Variants in DACH1 observed in about 807,000 individuals in gnomAD.
DACH1 encodes the protein dachshund family transcription factor 1.
A neutral mutation model predicts 54.2 loss-of-function variants in DACH1; 12 were observed. The observed-to-expected ratio is 0.22, with a 90% CI of 0.14 to 0.36. The LOEUF is 0.36. Ranked by LOEUF, DACH1 falls within the 10% of genes least tolerant of loss-of-function variation. DACH1 has a pLI of 1.00. For missense variants in DACH1, 805 were observed against 929.8 expected (o/e 0.87, Z 1.75); for synonymous variants, 386 against 366.2 (o/e 1.05, Z -0.62).
intron 1 of DACH1, among the ~76,000 whole-genome samples, chr13:71,700,144 T>C (rs2138747110): frequency 6.6e-6 from 1 of 152,226 alleles, no homozygotes; most frequent in African/African-American, 2.4e-5. Flanking sequence ...TGGACACACG[T>C]TGGCATCCTC....
chr13:71,671,673 T>G, intron 2 of DACH1, among the ~76,000 whole-genome samples: 1 of 152,014 alleles, frequency 6.6e-6, no homozygotes, highest in East Asian at 1.9e-4. Context: ...CGAGGGAGAA[T>G]AAGTTTTCAA....
At chr13:71,628,132 T>C (rs375364450) in intron 3 of DACH1, among the ~76,000 whole-genome samples, 60 of 152,140 alleles carry the variant, frequency 3.9e-4, no homozygotes, top group African/African-American at 1.4e-3. Context: ...GAGCAAGTCA[T>C]TACTGAACAC....
intron 1 of DACH1, among the ~76,000 whole-genome samples, chr13:71,814,768 C>T (rs1318145985): frequency 6.6e-6 from 1 of 152,218 alleles, no homozygotes; most frequent in Non-Finnish European, 1.5e-5. Flanking sequence ...CAGGATAATG[C>T]ATGTGTTGTC....
At chr13:71,560,433 G>A (rs986068372) in intron 4 of DACH1, among the ~76,000 whole-genome samples, 1 of 152,026 alleles carries the variant, frequency 6.6e-6, no homozygotes, top group Non-Finnish European at 1.5e-5. Flanking sequence ...TTCCATCCTA[G>A]TACTGCTCTG....
At chr13:71,525,002 AT>A (rs1235056175) in intron 6 of DACH1, among the ~76,000 whole-genome samples, 2 of 152,092 alleles carry the variant, frequency 1.3e-5, no homozygotes, top group East Asian at 3.9e-4. Context: ...TGACACCCTC[AT>A]TTTTTTCTTG....
At chr13:71,832,350 T>C (rs1415031614) in intron 1 of DACH1, among the ~76,000 whole-genome samples, 1 of 151,878 alleles carries the variant, frequency 6.6e-6, no homozygotes, top group Non-Finnish European at 1.5e-5. Flanking sequence ...AGCAAAATAA[T>C]TTGACTCCAA....
At chr13:71,799,894 A>T (rs1002810963) in intron 1 of DACH1, among the ~76,000 whole-genome samples, 1 of 152,058 alleles carries the variant, frequency 6.6e-6, no homozygotes, top group African/African-American at 2.4e-5. Context: ...TTGATTGTTC[A>T]TGTGTCTTAT....
chr13:71,760,103 G>T (rs1487438409), intron 1 of DACH1, among the ~76,000 whole-genome samples: 2 of 152,134 alleles, frequency 1.3e-5, no homozygotes, highest in African/African-American at 4.8e-5. Flanking sequence ...AGGCTACCAC[G>T]GCGGCCCCAG....
chr13:71,634,944 T>C (rs1877365106), intron 2 of DACH1, among the ~76,000 whole-genome samples: 4 of 152,332 alleles, frequency 2.6e-5, no homozygotes. Context: ...AAACTCTTTA[T>C]TGCTCTTTTC....
At chr13:71,592,511 A>AAG (rs1555299227) in intron 3 of DACH1, among the ~76,000 whole-genome samples, 129 of 149,500 alleles carry the variant, frequency 8.6e-4, no homozygotes, top group African/African-American at 3.0e-3. Context: ...AAAAAAAAAA[A>AAG]AAAAAAGAAA....
intron 6 of DACH1, among the ~76,000 whole-genome samples, chr13:71,506,905 T>A (rs949769233): frequency 1.3e-5 from 2 of 150,964 alleles, no homozygotes; most frequent in Non-Finnish European, 3.0e-5. Flanking sequence ...AAAAATGAAT[T>A]CAAGATGGAT....
chr13:71,493,929 T>C (rs1879201523), intron 6 of DACH1, among the ~76,000 whole-genome samples: 1 of 152,136 alleles, frequency 6.6e-6, no homozygotes, highest in African/African-American at 2.4e-5. Context: ...AAGTTATTAA[T>C]TACTTAGGTT....
chr13:71,700,967 TC>T (rs1471553038), intron 1 of DACH1, among the ~76,000 whole-genome samples: 1 of 152,174 alleles, frequency 6.6e-6, no homozygotes, highest in Admixed American at 6.6e-5. Context: ...TAGGAACCTT[TC>T]CCCAATTATA....
intron 3 of DACH1, among the ~76,000 whole-genome samples, chr13:71,615,737 G>A (rs574620395): frequency 2.0e-5 from 3 of 152,156 alleles, no homozygotes; most frequent in Non-Finnish European, 4.4e-5. Context: ...AGGGCATGTA[G>A]AGGAGGCAAT....
chr13:71,592,151 T>C (rs1873754461), intron 3 of DACH1, among the ~76,000 whole-genome samples: 1 of 151,922 alleles, frequency 6.6e-6, no homozygotes, highest in African/African-American at 2.4e-5. Flanking sequence ...AGATGATGAG[T>C]ATAAACAAAG....
At chr13:71,822,051 T>G (rs1462974225) in intron 1 of DACH1, among the ~76,000 whole-genome samples, 1 of 151,684 alleles carries the variant, frequency 6.6e-6, no homozygotes, top group Admixed American at 6.6e-5. Context: ...CAGAGCGAGA[T>G]TCCATCAAAA....
In DACH1 at chr13:71,572,905, C is replaced by T; in HGVS notation, c.1234G>A (p.Ala412Thr). The change falls in exon 4 of 11, where the codon GCA becomes ACA. Residue 412 changes from alanine (A) to threonine (T), a missense_variant. Transcript: ENST00000613252. ...MSQMNHLSTI[A>T]NMAAAAQVQS... ...ACTTGTGCTGCTGCTGCCATATTTG[C>T]AATGGTGCTGAGGTGGTTCATCTGG... The T allele has an allele frequency of 6.2e-7, 1 of 1,613,998 alleles. No homozygotes were observed. The highest frequency in any genetic ancestry group is 8.5e-7 in the Non-Finnish European group (1 of 1,179,954).
Position 71,656,784 on chromosome 13 carries a change from T to C in DACH1, c.964+25011A>G, listed in dbSNP as rs112966942. Among the ~76,000 whole-genome samples, 31 of 149,518 alleles carry C rather than the reference T, an allele frequency of 2.1e-4. 1 individual carries two copies. The highest frequency in any genetic ancestry group is 7.3e-4 in the African/African-American group (30 of 40,974). ...GAAGATGAGTTTTCAAGTCAGAATATATATATTCTGACTTGAAAAGTATAG... is the reference window on the plus strand; with the variant it reads ...GAAGATGAGTTTTCAAGTCAGAATACATATATTCTGACTTGAAAAGTATAG... On this transcript the variant is annotated intron_variant, in intron 2 of 10. Coordinates refer to ENST00000613252, the MANE Select transcript of DACH1 (RefSeq NM_080759.6).
rs538463785 is a variant in DACH1, at chr13:71,642,360, G to A, written c.965-11643C>T. On this transcript the variant is annotated intron_variant, in intron 2 of 10. Coordinates refer to ENST00000613252, the MANE Select transcript of DACH1 (RefSeq NM_080759.6). Reference sequence around the variant, plus strand: ...ATAACCAGCTAATCACAAAAGCTTCGTGAGAAACACCGACCTATGCTATGT... The same window carrying A: ...ATAACCAGCTAATCACAAAAGCTTCATGAGAAACACCGACCTATGCTATGT... 4.6e-5 allele frequency among the ~76,000 whole-genome samples: 7 copies of A among 152,284 alleles called. No homozygotes were observed. The East Asian group carries it at 5.8e-4, about 13-fold the overall frequency.
Sources: allele counts gnomAD v4.1 joint callset (sites outside exome capture counted in the v4.1 genomes callset), GRCh38; gene constraint gnomAD v4.1.1; transcripts MANE v1.5; gene names NCBI Gene and HGNC (gene_info 2026-07-23, HGNC 2026-07-21).